The following HIKESHI variants were observed in gnomAD, a reference collection of about 807,000 sequenced individuals.
The protein encoded by HIKESHI is protein Hikeshi.
A neutral mutation model predicts 25.7 loss-of-function variants in HIKESHI; 13 were observed. That is an observed-to-expected ratio of 0.51 (90% CI 0.33 to 0.80). HIKESHI has a LOEUF of 0.80. Among genes scored for constraint, HIKESHI ranks in the 30% least tolerant of loss-of-function variants. HIKESHI has a pLI of 0.02. For synonymous variants in HIKESHI, 76 were observed against 78.7 expected (o/e 0.97, Z 0.18); for missense variants, 174 against 229.5 (o/e 0.76, Z 1.56).
At chr11:86,331,542 C>T (rs1355553521) in intron 2 of HIKESHI, among the ~76,000 whole-genome samples, 4 of 152,126 alleles carry the variant, frequency 2.6e-5, no homozygotes, top group East Asian at 1.9e-4. Context: ...GGTTAAGTGA[C>T]TGTTACTGCC....
chr11:86,309,852 G>C (rs1330331588), intron 2 of HIKESHI, among the ~76,000 whole-genome samples: 1 of 152,078 alleles, frequency 6.6e-6, no homozygotes, highest in Non-Finnish European at 1.5e-5. Flanking sequence ...TCTTGTTTTT[G>C]TCAGGTTTCT....
intron 1 of HIKESHI, among the ~76,000 whole-genome samples, chr11:86,305,558 G>A (rs895817045): frequency 1.8e-4 from 27 of 150,458 alleles, no homozygotes; most frequent in African/African-American, 3.4e-4. Context: ...GGCTAATTTC[G>A]TATTTTTAGT....
Position 86,338,749 on chromosome 11 carries a change from T to C in HIKESHI, c.420+1219T>C, listed in dbSNP as rs544081852. Reference sequence around the variant, plus strand: ...CTCTGGGTCTCAAAAATGTTTTTTTTCCCATAATTTTACAAATAAGCTGCT... The same window carrying C: ...CTCTGGGTCTCAAAAATGTTTTTTTCCCCATAATTTTACAAATAAGCTGCT... On this transcript the variant is annotated intron_variant, in intron 3 of 4. Transcript: ENST00000278483. Among the ~76,000 whole-genome samples, 130 of 152,288 alleles carry C rather than the reference T, an allele frequency of 8.5e-4. 1 individual carries two copies. Among genetic ancestry groups the C allele is most frequent in the African/African-American group, 2.5e-3 (103 of 41,562 alleles).
intron 2 of HIKESHI, among the ~76,000 whole-genome samples, chr11:86,319,383 A>G (rs2138344278): frequency 6.7e-6 from 1 of 150,230 alleles, no homozygotes; most frequent in Non-Finnish European, 1.5e-5. Flanking sequence ...GATCACAAGC[A>G]CACATCACCA....
chr11:86,308,148 T>C, intron 2 of HIKESHI, among the ~76,000 whole-genome samples: 1 of 88,908 alleles, frequency 1.1e-5, no homozygotes, highest in Non-Finnish European at 2.1e-5. Flanking sequence ...AAAATATATA[T>C]TGTATAAAAT....
Position 86,307,827 on chromosome 11 carries a change from T to C in HIKESHI, c.268+1345T>C, listed in dbSNP as rs1387568799. Among the ~76,000 whole-genome samples, 76 of 118,114 alleles carry C rather than the reference T, an allele frequency of 6.4e-4. 1 individual carries two copies. The highest frequency in any genetic ancestry group is 2.9e-4 in the Non-Finnish European group (18 of 62,182). The allele number at this position is 118,114 out of a possible 152,430, so 77.5% of individuals were successfully genotyped here. Reference sequence around the variant, plus strand: ...TATAAAATATATATTATGTGTAATATACATTATATAAATATATATTATGTG... The same window carrying C: ...TATAAAATATATATTATGTGTAATACACATTATATAAATATATATTATGTG... On this transcript the variant is annotated intron_variant, in intron 2 of 4. Coordinates refer to ENST00000278483, the MANE Select transcript of HIKESHI (RefSeq NM_016401.4).
chr11:86,319,476 C>T (rs560869108), intron 2 of HIKESHI, among the ~76,000 whole-genome samples: 8 of 151,426 alleles, frequency 5.3e-5, no homozygotes, highest in East Asian at 1.9e-4. Flanking sequence ...AGGCTGGTCT[C>T]GAACTCCTGG....
intron 1 of HIKESHI, among the ~76,000 whole-genome samples, chr11:86,305,403 T>A (rs978858680): frequency 2.0e-5 from 3 of 152,114 alleles, no homozygotes; most frequent in Non-Finnish European, 2.9e-5. Context: ...TTATTTATTT[T>A]TTTGAGACGG....
At chr11:86,339,971 A>T (rs748612267) in intron 3 of HIKESHI, among the ~76,000 whole-genome samples, 12 of 151,524 alleles carry the variant, frequency 7.9e-5, no homozygotes, top group South Asian at 4.2e-4. Flanking sequence ...TCATTGTTCA[A>T]TTCCCACCTA....
intron 2 of HIKESHI, among the ~76,000 whole-genome samples, chr11:86,334,548 A>G (rs1947500362): frequency 6.6e-6 from 1 of 152,134 alleles, no homozygotes; most frequent in African/African-American, 2.4e-5. Flanking sequence ...TCTTTGTATT[A>G]TGATTTATAA....
chr11:86,308,246 AATAT>A (rs1946725926), intron 2 of HIKESHI, among the ~76,000 whole-genome samples: 1 of 115,350 alleles, frequency 8.7e-6, no homozygotes, highest in Non-Finnish European at 1.7e-5. Flanking sequence ...TTATATATAA[AATAT>A]ATATTACATA....
At chr11:86,341,341 ATTTTTCCTCATT>A (rs2138426225) in intron 3 of HIKESHI, among the ~76,000 whole-genome samples, 1 of 92,978 alleles carries the variant, frequency 1.1e-5, no homozygotes, top group East Asian at 5.0e-4. Flanking sequence ...ATAATTTTTC[ATTTTTCCTCATT>A]TTTTTCCTTT....
Position 86,344,456 on chromosome 11 carries a change from C to T in HIKESHI, c.421-147C>T, listed in dbSNP as rs1947816679. 6.0e-6 allele frequency: 3 copies of T among 503,360 alleles called. No homozygotes were observed. In the South Asian group the frequency reaches 1.4e-4, roughly 24 times the overall value. The allele number at this position is 503,360 out of a possible 1,614,324, so 31.2% of individuals were successfully genotyped here. On this transcript the variant is annotated intron_variant, in intron 3 of 4. Transcript: ENST00000278483. ...GTTTTGGGATTACAGGCATGAGCCA[C>T]CGCACCCAGCCAGCTTTCAGCATTA...
chr11:86,308,053 TATA>T (rs1250823758), intron 2 of HIKESHI, among the ~76,000 whole-genome samples: 5 of 122,888 alleles, frequency 4.1e-5, no homozygotes, highest in Non-Finnish European at 7.9e-5. Flanking sequence ...ATAAATTACA[TATA>T]ATATATAATA....
chr11:86,341,686 C>A (rs1947735312), intron 3 of HIKESHI, among the ~76,000 whole-genome samples: 1 of 151,910 alleles, frequency 6.6e-6, no homozygotes, highest in South Asian at 2.1e-4. Flanking sequence ...CATTATGTTG[C>A]CCAGACTGTC....
intron 2 of HIKESHI, among the ~76,000 whole-genome samples, chr11:86,315,090 T>G (rs1185259803): frequency 3.9e-5 from 6 of 152,224 alleles, no homozygotes; most frequent in South Asian, 2.1e-4. Flanking sequence ...TATTCTTCGC[T>G]TTGGTTGTGC....
intron 2 of HIKESHI, 50 bp from the exon 3 acceptor site, chr11:86,337,328 TG>T: frequency 6.5e-7 from 1 of 1,534,450 alleles, no homozygotes; most frequent in Non-Finnish European, 8.8e-7. Flanking sequence ...AAGGAAATTG[TG>T]TGACTACAAG....
At chr11:86,328,345 G>C (rs992566161) in intron 2 of HIKESHI, among the ~76,000 whole-genome samples, 1 of 150,990 alleles carries the variant, frequency 6.6e-6, no homozygotes, top group Non-Finnish European at 1.5e-5. Flanking sequence ...TACAACTTCC[G>C]CCTCCCGGGT....
intron 2 of HIKESHI, among the ~76,000 whole-genome samples, chr11:86,335,330 C>T (rs940528370): frequency 3.9e-5 from 6 of 151,976 alleles, no homozygotes; most frequent in African/African-American, 9.7e-5. Context: ...TACTGTTGCC[C>T]GAGGCAAAGG....
Sources: allele counts gnomAD v4.1 joint callset (sites outside exome capture counted in the v4.1 genomes callset), GRCh38; gene constraint gnomAD v4.1.1; transcripts MANE v1.5; gene names NCBI Gene and HGNC (gene_info 2026-07-23, HGNC 2026-07-21).